The following DENND1A variants were observed in gnomAD, a reference collection of about 807,000 sequenced individuals.
DENND1A encodes the protein DENN domain-containing protein 1A.
Under a neutral mutation model 113.7 loss-of-function variants are expected in DENND1A, and 51 were observed. The ratio of observed to expected loss-of-function variants is 0.45; its 90% CI spans 0.36 to 0.57. The LOEUF (loss-of-function observed/expected upper bound fraction) is 0.57. Ranked by LOEUF, DENND1A falls within the 20% of genes least tolerant of loss-of-function variation. The probability of loss-of-function intolerance (pLI) is 0.00; values close to 1 mark genes in which losing one functional copy is unlikely to be tolerated. For missense variants in DENND1A, 1,258 were observed against 1,395.9 expected, an observed-to-expected ratio of 0.90 and a Z score of 1.57; for synonymous variants, 565 against 570.8, an observed-to-expected ratio of 0.99 and a Z score of 0.14.
chr9:123,658,041 T>C (rs1263061063), intron 8 of DENND1A, among the ~76,000 whole-genome samples: 1 of 152,184 alleles, frequency 6.6e-6, no homozygotes, highest in Non-Finnish European at 1.5e-5. Flanking sequence ...ATAATAGGTC[T>C]TCTACTACCA....
chr9:123,599,701 C>A (rs2059860877), intron 11 of DENND1A, among the ~76,000 whole-genome samples: 2 of 152,214 alleles, frequency 1.3e-5, no homozygotes, highest in Non-Finnish European at 2.9e-5. Flanking sequence ...GGTCCAGCCA[C>A]ATTTTCCCCA....
At chr9:123,639,988 G>A (rs2061941870) in intron 9 of DENND1A, among the ~76,000 whole-genome samples, 2 of 152,076 alleles carry the variant, frequency 1.3e-5, no homozygotes, top group African/African-American at 4.8e-5. Flanking sequence ...CCTGTATAAG[G>A]TCACAGCTAT....
chr9:123,696,572 G>A (rs1206096922), intron 5 of DENND1A, among the ~76,000 whole-genome samples: 4 of 152,134 alleles, frequency 2.6e-5, no homozygotes, highest in Non-Finnish European at 5.9e-5. Context: ...TAAAGCAAGA[G>A]AAAATCTTAA....
At chr9:123,723,224 A>G (rs966710009) in intron 5 of DENND1A, among the ~76,000 whole-genome samples, 8 of 152,260 alleles carry the variant, frequency 5.3e-5, no homozygotes, top group African/African-American at 1.9e-4. Flanking sequence ...TCTCCCATTC[A>G]GAATGGCTGT....
At chr9:123,588,212 T>C (rs1448817070) in intron 11 of DENND1A, among the ~76,000 whole-genome samples, 1 of 144,026 alleles carries the variant, frequency 6.9e-6, no homozygotes, top group Non-Finnish European at 1.5e-5. Flanking sequence ...GAGGTGGAGG[T>C]TGCAGTGAGC....
chr9:123,771,254 A>G (rs1457556464), intron 3 of DENND1A, among the ~76,000 whole-genome samples: 5 of 152,210 alleles, frequency 3.3e-5, no homozygotes, highest in Admixed American at 1.3e-4. Context: ...TTCAGTGCAT[A>G]ATGTTATTAT....
chr9:123,402,339 C>T (rs758462622), intron 21 of DENND1A, among the ~76,000 whole-genome samples: 5 of 152,198 alleles, frequency 3.3e-5, no homozygotes, highest in Non-Finnish European at 5.9e-5. Context: ...CCTTAAAGAC[C>T]GTACCCTCGC....
chr9:123,435,427 G>GT (rs2046446138), intron 19 of DENND1A, among the ~76,000 whole-genome samples: 1 of 152,206 alleles, frequency 6.6e-6, no homozygotes, highest in African/African-American at 2.4e-5. Context: ...CCCTGCCACA[G>GT]TTCTCTGGAA....
At chr9:123,655,879 G>A (rs1284752956) in intron 8 of DENND1A, among the ~76,000 whole-genome samples, 1 of 152,176 alleles carries the variant, frequency 6.6e-6, no homozygotes, top group African/African-American at 2.4e-5. Flanking sequence ...CTATAATCAG[G>A]CAATCAACAC....
chr9:123,384,509 T>C (rs1028879577), intron 22 of DENND1A, among the ~76,000 whole-genome samples: 2 of 152,212 alleles, frequency 1.3e-5, no homozygotes, highest in Non-Finnish European at 2.9e-5. Context: ...GCTCAGGTGG[T>C]GGTGGTGGTT....
At chr9:123,497,435 A>G (rs1213935848) in intron 13 of DENND1A, among the ~76,000 whole-genome samples, 2 of 152,162 alleles carry the variant, frequency 1.3e-5, no homozygotes, top group African/African-American at 4.8e-5. Context: ...CTCTCAGCTC[A>G]GCTCCCCAAG....
chr9:123,815,974 G>A (rs115252284), intron 2 of DENND1A, among the ~76,000 whole-genome samples: 33 of 150,880 alleles, frequency 2.2e-4, no homozygotes, highest in African/African-American at 7.8e-4. Context: ...TTTGGCACTG[G>A]GCCCTCAAAG....
At chr9:123,852,008 C>G (rs896821038) in intron 2 of DENND1A, among the ~76,000 whole-genome samples, 1 of 152,208 alleles carries the variant, frequency 6.6e-6, no homozygotes, top group African/African-American at 2.4e-5. Flanking sequence ...AAACTTCCAA[C>G]ATTTGCCCAG....
chr9:123,679,729 G>A (rs1295500309), intron 5 of DENND1A, among the ~76,000 whole-genome samples: 1 of 152,214 alleles, frequency 6.6e-6, no homozygotes, highest in Non-Finnish European at 1.5e-5. Flanking sequence ...ACAACAGCTT[G>A]CGCGGCCTGC....
rs1407595135 is a variant in DENND1A at position 123,811,484 on chromosome 9, G to A, written c.89-18854C>T. Among the ~76,000 whole-genome samples, 3 of 152,356 alleles carry A rather than the reference G, an allele frequency of 2.0e-5. No homozygotes were observed. The East Asian group carries it at 5.8e-4, about 29-fold the overall frequency. On this transcript the variant is annotated intron_variant, in intron 2 of 23. Transcript: ENST00000394215. ...CTTACAAGAAAGCATCCACGGCTGG[G>A]CATGGTGGCTCATGCCTGTAATCCC... is the stretch of plus-strand genomic sequence containing the variant.
chr9:123,673,067 C>A (rs2063843422), intron 6 of DENND1A, among the ~76,000 whole-genome samples: 2 of 152,192 alleles, frequency 1.3e-5, no homozygotes, highest in Admixed American at 1.3e-4. Context: ...GATGAGACCA[C>A]CCATTTTGTA....
Position 123,416,625 on chromosome 9 carries a change from G to A in DENND1A, c.1489-4796C>T, listed in dbSNP as rs529255281. Among the ~76,000 whole-genome samples, 4 of 152,234 alleles carry A rather than the reference G, an allele frequency of 2.6e-5. No homozygotes were observed. In the East Asian group the frequency reaches 7.7e-4, roughly 29 times the overall value. ...GGGCCTTTGGCGATCTTTTGCTAAG[G>A]AGAGTTCAATTCGACAGTTCCTCCA... is the stretch of plus-strand genomic sequence containing the variant. On this transcript the variant is annotated intron_variant, in intron 19 of 23. Coordinates refer to ENST00000394215, the MANE Select transcript of DENND1A (RefSeq NM_001352964.2).
At chr9:123,548,368 C>A (rs1372813217) in intron 13 of DENND1A, among the ~76,000 whole-genome samples, 1 of 152,226 alleles carries the variant, frequency 6.6e-6, no homozygotes, top group Non-Finnish European at 1.5e-5. Context: ...TCCTTATCCA[C>A]TTGCCTAAAA....
At chr9:123,895,217 T>C (rs1448879060) in intron 1 of DENND1A, among the ~76,000 whole-genome samples, 2 of 152,130 alleles carry the variant, frequency 1.3e-5, no homozygotes, top group Non-Finnish European at 1.5e-5. Context: ...CATAGCTGCA[T>C]GCCACTTGCA....
Sources: allele counts gnomAD v4.1 joint callset (sites outside exome capture counted in the v4.1 genomes callset), GRCh38; gene constraint gnomAD v4.1.1; transcripts MANE v1.5; gene names NCBI Gene and HGNC (gene_info 2026-07-23, HGNC 2026-07-21).